TSHZ2: variants seen among roughly 807,000 people sequenced by gnomAD.
TSHZ2 encodes the protein teashirt homolog 2.
Under a neutral mutation model 74.4 loss-of-function variants are expected in TSHZ2, and 21 were observed. The observed-to-expected ratio is 0.28, with a 90% CI of 0.20 to 0.41. The LOEUF (loss-of-function observed/expected upper bound fraction) is 0.41. Ranked by LOEUF, TSHZ2 falls within the 10% of genes least tolerant of loss-of-function variation. The pLI, the probability that TSHZ2 is intolerant of heterozygous loss-of-function variation, is 1.00. For synonymous variants in TSHZ2, 540 were observed against 515.3 expected, an observed-to-expected ratio of 1.05 and a Z score of -0.65; for missense variants, 1,244 against 1,293.5, an observed-to-expected ratio of 0.96 and a Z score of 0.59.
At chr20:53,169,805 G>C (rs1182358957) in intron 1 of TSHZ2, among the ~76,000 whole-genome samples, 1 of 152,136 alleles carries the variant, frequency 6.6e-6, no homozygotes, top group Non-Finnish European at 1.5e-5. Flanking sequence ...TTTTGCACAT[G>C]TGCATGCCCA....
chr20:53,415,407 C>T (rs925467075), intron 2 of TSHZ2, among the ~76,000 whole-genome samples: 10 of 152,118 alleles, frequency 6.6e-5, no homozygotes. Flanking sequence ...CACTGGGGCC[C>T]CAGGCCCCTC....
intron 1 of TSHZ2, among the ~76,000 whole-genome samples, chr20:53,226,876 C>G (rs537269871): frequency 6.6e-6 from 1 of 152,070 alleles, no homozygotes; most frequent in South Asian, 2.1e-4. Context: ...CTAGATCCAG[C>G]GGTGTCTGAA....
chr20:53,242,698 C>T (rs1199364799), intron 1 of TSHZ2, among the ~76,000 whole-genome samples: 1 of 152,130 alleles, frequency 6.6e-6, no homozygotes, highest in Non-Finnish European at 1.5e-5. Context: ...TTAAAAGATA[C>T]CTTGTTGTTG....
chr20:53,391,029 ATCTT>A (rs1182002203), intron 2 of TSHZ2, among the ~76,000 whole-genome samples: 1 of 152,200 alleles, frequency 6.6e-6, no homozygotes, highest in African/African-American at 2.4e-5. Flanking sequence ...GTTCCAATAA[ATCTT>A]TATTTACAAA....
intron 2 of TSHZ2, among the ~76,000 whole-genome samples, chr20:53,475,164 G>C (rs1264365016): frequency 7.1e-6 from 1 of 140,446 alleles, no homozygotes; most frequent in Admixed American, 7.1e-5. Flanking sequence ...GGACCTAATG[G>C]ACATCTACAT....
chr20:52,985,252 T>C (rs55770349), intron 1 of TSHZ2, among the ~76,000 whole-genome samples: 2,096 of 152,268 alleles, frequency 0.014, 17 homozygotes, highest in African/African-American at 0.025. Context: ...GCATCTTTGC[T>C]TTCCCAGACT....
intron 2 of TSHZ2, among the ~76,000 whole-genome samples, chr20:53,300,186 T>C (rs1446739406): frequency 6.6e-6 from 1 of 152,174 alleles, no homozygotes; most frequent in Non-Finnish European, 1.5e-5. Flanking sequence ...CACATTTTCA[T>C]AGGTTCTGTG....
At chr20:53,312,602 G>A (rs1358997316) in intron 2 of TSHZ2, among the ~76,000 whole-genome samples, 1 of 152,146 alleles carries the variant, frequency 6.6e-6, no homozygotes, top group Admixed American at 6.6e-5. Context: ...TTCAAATTTG[G>A]AGATTTTTCC....
At chr20:53,324,192 C>T (rs941094028) in intron 2 of TSHZ2, among the ~76,000 whole-genome samples, 1 of 151,956 alleles carries the variant, frequency 6.6e-6, no homozygotes, top group Non-Finnish European at 1.5e-5. Context: ...GCGGGATGCT[C>T]GGGTCCTAAG....
At chr20:53,285,177 C>T (rs1003259583) in intron 2 of TSHZ2, among the ~76,000 whole-genome samples, 1 of 152,092 alleles carries the variant, frequency 6.6e-6, no homozygotes, top group Admixed American at 6.5e-5. Flanking sequence ...GTGAGAAACA[C>T]GGTATTAAAA....
At chr20:53,327,419 GC>G (rs1357595152) in intron 2 of TSHZ2, among the ~76,000 whole-genome samples, 4 of 152,170 alleles carry the variant, frequency 2.6e-5, no homozygotes, top group African/African-American at 9.7e-5. Flanking sequence ...AACCCGGGAG[GC>G]GTAGATTGCA....
At chr20:53,134,717 T>C (rs1431821605) in intron 1 of TSHZ2, among the ~76,000 whole-genome samples, 2 of 152,188 alleles carry the variant, frequency 1.3e-5, no homozygotes, top group African/African-American at 4.8e-5. Flanking sequence ...TTACATAATT[T>C]TACATAATTA....
At chr20:53,138,143 G>A (rs1987292610) in intron 1 of TSHZ2, among the ~76,000 whole-genome samples, 2 of 152,150 alleles carry the variant, frequency 1.3e-5, no homozygotes, top group African/African-American at 4.8e-5. Flanking sequence ...AGCACTTTGG[G>A]AGGCCAAGGC....
intron 2 of TSHZ2, among the ~76,000 whole-genome samples, chr20:53,478,968 C>T (rs1015803289): frequency 3.9e-5 from 6 of 152,050 alleles, no homozygotes; most frequent in African/African-American, 1.4e-4. Flanking sequence ...GATTCCAGAC[C>T]AGTCTGGTCA....
chr20:53,056,336 G>A (rs893282764), intron 1 of TSHZ2, among the ~76,000 whole-genome samples: 39 of 152,274 alleles, frequency 2.6e-4, no homozygotes, highest in African/African-American at 9.1e-4. Flanking sequence ...ACTGAAACAG[G>A]TGATGCCTAA....
intron 1 of TSHZ2, among the ~76,000 whole-genome samples, chr20:52,993,669 T>A (rs555177579): frequency 6.6e-6 from 1 of 151,710 alleles, no homozygotes; most frequent in African/African-American, 2.4e-5. Flanking sequence ...TAATGGGGAG[T>A]CCCCCAAGAT....
At chr20:53,108,354 A>C (rs1287158720) in intron 1 of TSHZ2, among the ~76,000 whole-genome samples, 1 of 152,260 alleles carries the variant, frequency 6.6e-6, no homozygotes, top group African/African-American at 2.4e-5. Flanking sequence ...TAAGTTATGC[A>C]CATGGAGGCA....
intron 2 of TSHZ2, among the ~76,000 whole-genome samples, chr20:53,481,717 G>A (rs1024532540): frequency 7.9e-5 from 12 of 152,122 alleles, no homozygotes; most frequent in African/African-American, 2.4e-4. Context: ...ACTTCCATCA[G>A]TCATGGTGGG....
rs941879466 is a variant in TSHZ2 at position 53,490,369 on chromosome 20, C to T, written c.*3234C>T. ...CCTAGGCACTGTGGGATAACAACAGCAAACACTTCACACAACAGCCTGGCC... is the reference window on the plus strand; with the variant it reads ...CCTAGGCACTGTGGGATAACAACAGTAAACACTTCACACAACAGCCTGGCC... On this transcript the variant is annotated 3_prime_UTR_variant, in exon 3 of 3. Coordinates refer to ENST00000371497, the MANE Select transcript of TSHZ2 (RefSeq NM_173485.6). 6.6e-6 allele frequency: 1 copy of T among 152,226 alleles called. No homozygotes were observed. The highest frequency in any genetic ancestry group is 1.5e-5 in the Non-Finnish European group (1 of 68,048). The allele number at this position is 152,226 out of a possible 1,614,324, so 9.4% of individuals were successfully genotyped here.
Sources: allele counts gnomAD v4.1 joint callset (sites outside exome capture counted in the v4.1 genomes callset), GRCh38; gene constraint gnomAD v4.1.1; transcripts MANE v1.5; gene names NCBI Gene and HGNC (gene_info 2026-07-23, HGNC 2026-07-21).